Variants in SPOCK1 observed in about 807,000 individuals in gnomAD.
The protein encoded by SPOCK1 is SPARC (osteonectin), cwcv and kazal like domains proteoglycan 1.
SPOCK1 carries 23 observed loss-of-function variants against 55.3 expected under a neutral mutation model. That is an observed-to-expected ratio of 0.42 (90% confidence interval 0.30 to 0.59). The LOEUF is 0.59. SPOCK1 is among the 20% of genes least tolerant of loss of function. SPOCK1 has a pLI of 0.22. For missense variants in SPOCK1, 499 were observed against 552.5 expected (o/e 0.90, Z 0.97); for synonymous variants, 226 against 221.0 (o/e 1.02, Z -0.20).
intron 3 of SPOCK1, among the ~76,000 whole-genome samples, chr5:137,213,854 T>C (rs1427342775): frequency 2.0e-5 from 3 of 152,190 alleles, no homozygotes; most frequent in Non-Finnish European, 4.4e-5. Flanking sequence ...AACCAAATCT[T>C]GCCCTGGTCT....
intron 6 of SPOCK1, among the ~76,000 whole-genome samples, chr5:137,065,973 C>A (rs1162877950): frequency 6.6e-6 from 1 of 151,992 alleles, no homozygotes; most frequent in East Asian, 1.9e-4. Context: ...AATATGAAGC[C>A]CATCATTAAG....
chr5:137,101,526 C>T (rs192097239), intron 5 of SPOCK1, among the ~76,000 whole-genome samples: 2 of 152,320 alleles, frequency 1.3e-5, no homozygotes, highest in East Asian at 3.9e-4. Context: ...ACCTATTCTT[C>T]AAATCTTGGT....
intron 6 of SPOCK1, among the ~76,000 whole-genome samples, chr5:137,063,085 T>G: frequency 7.1e-6 from 1 of 141,754 alleles, no homozygotes; most frequent in Non-Finnish European, 1.5e-5. Context: ...TACAAAAAAT[T>G]AGCCGGGCGC....
intron 2 of SPOCK1, among the ~76,000 whole-genome samples, chr5:137,481,082 T>C (rs921643913): frequency 1.3e-5 from 2 of 152,238 alleles, no homozygotes; most frequent in Admixed American, 6.5e-5. Flanking sequence ...TGTGAGGCTC[T>C]GAGGTTTATT....
chr5:137,377,938 CT>C (rs1751357676), intron 2 of SPOCK1, among the ~76,000 whole-genome samples: 1 of 127,328 alleles, frequency 7.9e-6, no homozygotes, highest in Non-Finnish European at 1.6e-5. Context: ...ACAATCACTT[CT>C]TCCTTTTTTT....
At chr5:137,033,857 C>A (rs1751830133) in intron 6 of SPOCK1, among the ~76,000 whole-genome samples, 1 of 152,164 alleles carries the variant, frequency 6.6e-6, no homozygotes, top group Admixed American at 6.5e-5. Flanking sequence ...TCTTGCTTGG[C>A]CTCCCAAAGT....
intron 2 of SPOCK1, among the ~76,000 whole-genome samples, chr5:137,271,396 T>G (rs1756961570): frequency 6.7e-6 from 1 of 148,738 alleles, no homozygotes; most frequent in African/African-American, 2.4e-5. Context: ...ATAATATATA[T>G]TATTAAAGAT....
At chr5:137,158,250 C>T (rs544719921) in intron 3 of SPOCK1, among the ~76,000 whole-genome samples, 8 of 152,164 alleles carry the variant, frequency 5.3e-5, no homozygotes, top group Non-Finnish European at 1.2e-4. Context: ...GCAGAGGGGA[C>T]ACTGGCAATG....
chr5:137,106,786 G>A (rs953905940), intron 5 of SPOCK1, among the ~76,000 whole-genome samples: 1 of 151,968 alleles, frequency 6.6e-6, no homozygotes, highest in African/African-American at 2.4e-5. Flanking sequence ...TACTCTTCAG[G>A]CAAAGTCCAA....
chr5:137,107,834 A>T (rs1467401708), intron 5 of SPOCK1, among the ~76,000 whole-genome samples: 3 of 152,218 alleles, frequency 2.0e-5, no homozygotes, highest in Non-Finnish European at 4.4e-5. Flanking sequence ...ATGCTCACAC[A>T]GCCATGGAAC....
At chr5:137,363,884 C>A (rs1451264182) in intron 2 of SPOCK1, among the ~76,000 whole-genome samples, 1 of 152,216 alleles carries the variant, frequency 6.6e-6, no homozygotes, top group Admixed American at 6.5e-5. Context: ...GCTTGAGATG[C>A]ACAAATCCAT....
At chr5:137,198,454 A>G (rs1226710381) in intron 3 of SPOCK1, among the ~76,000 whole-genome samples, 1 of 152,246 alleles carries the variant, frequency 6.6e-6, no homozygotes, top group East Asian at 1.9e-4. Flanking sequence ...AACAGCTATC[A>G]AAGGGAGAAA....
At chr5:137,452,126 T>G (rs920931983) in intron 2 of SPOCK1, among the ~76,000 whole-genome samples, 3 of 152,238 alleles carry the variant, frequency 2.0e-5, no homozygotes, top group African/African-American at 7.2e-5. Context: ...ATGTTCAATC[T>G]GTATAACAAC....
At chr5:137,315,697 G>A (rs1277097101) in intron 2 of SPOCK1, among the ~76,000 whole-genome samples, 1 of 152,128 alleles carries the variant, frequency 6.6e-6, no homozygotes, top group Non-Finnish European at 1.5e-5. Context: ...CCTGAGACTA[G>A]GCACAGTGTC....
chr5:137,338,770 T>C (rs928530866), intron 2 of SPOCK1, among the ~76,000 whole-genome samples: 9 of 152,288 alleles, frequency 5.9e-5, no homozygotes, highest in African/African-American at 2.2e-4. Flanking sequence ...TGATGGCCAG[T>C]GATGATGAGC....
chr5:137,256,829 C>A (rs1318372909), intron 3 of SPOCK1, among the ~76,000 whole-genome samples: 3 of 152,142 alleles, frequency 2.0e-5, no homozygotes, highest in Non-Finnish European at 1.5e-5. Context: ...ACGCGTGCCA[C>A]AAGCAAAAGA....
At position 136,978,031 on chromosome 5, in the gene SPOCK1, CA is replaced by C. The variant is rs1750650137; in HGVS notation, c.*622del. 1 of 398,012 alleles carries C rather than the reference CA, an allele frequency of 2.5e-6. No homozygotes were observed. 24.7% of individuals were successfully genotyped at this position (398,012 alleles called of 1,614,324 possible). A position where few individuals can be genotyped will look rare whatever the true frequency, so the allele number is the denominator to read the frequency against. On this transcript the variant is annotated 3_prime_UTR_variant, in exon 11 of 11. Transcript: ENST00000394945. ...ATTTATGCATGTACAGGGAAGTATC[CA>C]GACACCAATTTTTAATAAAATGAAT...
intron 4 of SPOCK1, among the ~76,000 whole-genome samples, chr5:137,121,926 AT>A (rs1348904797): frequency 2.1e-5 from 3 of 145,942 alleles, no homozygotes; most frequent in South Asian, 2.1e-4. Flanking sequence ...TAATACTGTT[AT>A]TATATAACAG....
intron 3 of SPOCK1, among the ~76,000 whole-genome samples, chr5:137,177,131 T>C (rs1198313064): frequency 2.6e-5 from 4 of 152,156 alleles, no homozygotes; most frequent in Admixed American, 2.6e-4. Context: ...GGAAAAGAGA[T>C]GAATGAATGG....
Sources: gnomAD v4.1 joint callset for allele counts (sites outside exome capture counted in the v4.1 genomes callset) on GRCh38, gnomAD v4.1.1 for gene constraint, MANE v1.5 for transcripts, NCBI Gene and HGNC (gene_info 2026-07-23, HGNC 2026-07-21) for gene names.